The following THADA variants were observed in gnomAD, a reference collection of about 807,000 sequenced individuals.
THADA encodes tRNA (32-2'-O)-methyltransferase regulator THADA.
THADA carries 213 observed loss-of-function variants against 219.8 expected under a neutral mutation model. That is an observed-to-expected ratio of 0.97 (90% CI 0.87 to 1.09). THADA has a LOEUF of 1.09. Ranked by LOEUF, THADA falls within the 50% of genes least tolerant of loss-of-function variation. The probability of loss-of-function intolerance (pLI) is 0.00; values close to 1 mark genes in which losing one functional copy is unlikely to be tolerated. For synonymous variants in THADA, 1,018 were observed against 828.9 expected (o/e 1.23, Z -3.92); for missense variants, 2,956 against 2,311.3 (o/e 1.28, Z -5.72).
At chr2:43,542,505 G>A (rs902261260) in intron 20 of THADA, among the ~76,000 whole-genome samples, 1 of 152,172 alleles carries the variant, frequency 6.6e-6, no homozygotes, top group Non-Finnish European at 1.5e-5. Context: ...ACATCACTAA[G>A]AAATTGCTGC....
chr2:43,538,669 G>A (rs1272087793), intron 21 of THADA: 1 of 152,208 alleles, frequency 6.6e-6, no homozygotes, highest in Non-Finnish European at 1.5e-5. Flanking sequence ...GCAAGGAGAA[G>A]AACTGGGTTC....
At chr2:43,583,802 G>C (rs1461407307) in intron 7 of THADA, among the ~76,000 whole-genome samples, 1 of 152,078 alleles carries the variant, frequency 6.6e-6, no homozygotes, top group African/African-American at 2.4e-5. Flanking sequence ...CAGCACTTTG[G>C]GGGACTGGGG....
intron 36 of THADA, among the ~76,000 whole-genome samples, chr2:43,273,773 C>G (rs1672406377): frequency 6.6e-6 from 1 of 152,244 alleles, no homozygotes. Flanking sequence ...GTGACCCAGG[C>G]CTTTCTATCT....
At chr2:43,539,331 T>C (rs745626863) in intron 21 of THADA, among the ~76,000 whole-genome samples, 2 of 152,260 alleles carry the variant, frequency 1.3e-5, no homozygotes, top group Non-Finnish European at 2.9e-5. Context: ...TGTTCTTCTC[T>C]GTCATTTATA....
intron 29 of THADA, among the ~76,000 whole-genome samples, chr2:43,376,148 AGG>A (rs1671357888): frequency 1.3e-5 from 2 of 152,314 alleles, no homozygotes; most frequent in East Asian, 3.9e-4. Context: ...CTATTTTATT[AGG>A]TGTATATAAA....
At chr2:43,449,261 G>A (rs1681997630) in intron 26 of THADA, among the ~76,000 whole-genome samples, 1 of 151,918 alleles carries the variant, frequency 6.6e-6, no homozygotes, top group Non-Finnish European at 1.5e-5. Context: ...ATAAGACAAG[G>A]GAAATTATTG....
intron 16 of THADA, among the ~76,000 whole-genome samples, chr2:43,558,032 C>G (rs1407448737): frequency 6.6e-6 from 1 of 152,142 alleles, no homozygotes; most frequent in East Asian, 1.9e-4. Context: ...CATTTTTTAA[C>G]TGACAGTTAA....
rs746489844 is a variant in THADA, at chr2:43,541,155, T to C, written c.3264+4A>G. ...ATACATGGTGGAATAAACATGTGCCTTACCTGCTCCACCGTCAATAATCCA... is the reference window on the plus strand; with the variant it reads ...ATACATGGTGGAATAAACATGTGCCCTACCTGCTCCACCGTCAATAATCCA... On this transcript the variant is annotated splice_donor_region_variant and intron_variant, in intron 21 of 37. Transcript: ENST00000405975. 2 of 1,556,526 alleles carry C rather than the reference T, an allele frequency of 1.3e-6. No homozygotes were observed.
intron 29 of THADA, among the ~76,000 whole-genome samples, chr2:43,380,143 A>G (rs1208422837): frequency 6.6e-6 from 1 of 152,236 alleles, no homozygotes; most frequent in Non-Finnish European, 1.5e-5. Flanking sequence ...AGAACTTTAT[A>G]GTGCAAAGAC....
At chr2:43,415,264 G>A (rs757663482) in intron 28 of THADA, among the ~76,000 whole-genome samples, 2 of 152,154 alleles carry the variant, frequency 1.3e-5, no homozygotes, top group Non-Finnish European at 2.9e-5. Context: ...TAATGGAGGA[G>A]GCATCTGAGA....
chr2:43,375,917 G>C (rs548863633), intron 29 of THADA, among the ~76,000 whole-genome samples: 1 of 152,188 alleles, frequency 6.6e-6, no homozygotes, highest in Non-Finnish European at 1.5e-5. Flanking sequence ...TTTTGCAAGA[G>C]AATTTCGTGA....
chr2:43,536,211 C>T (rs1694582859), intron 21 of THADA, among the ~76,000 whole-genome samples: 1 of 152,256 alleles, frequency 6.6e-6, no homozygotes, highest in East Asian at 1.9e-4. Context: ...TTGGACAGTC[C>T]TTTACCCAAT....
At chr2:43,470,786 C>T (rs1054455437) in intron 26 of THADA, among the ~76,000 whole-genome samples, 2 of 152,124 alleles carry the variant, frequency 1.3e-5, no homozygotes, top group African/African-American at 4.8e-5. Flanking sequence ...TAGCCTAGAC[C>T]ACAGCATAAT....
chr2:43,542,601 G>C (rs1695470479), intron 20 of THADA, among the ~76,000 whole-genome samples: 1 of 152,184 alleles, frequency 6.6e-6, no homozygotes, highest in South Asian at 2.1e-4. Context: ...CTGGAAGCTT[G>C]ACACAACAAA....
chr2:43,261,216 CTTTTT>C (rs1181680289), intron 36 of THADA, among the ~76,000 whole-genome samples: 1 of 77,168 alleles, frequency 1.3e-5, no homozygotes, highest in Admixed American at 1.8e-4. Flanking sequence ...TTGTGCATTT[CTTTTT>C]TTTTTTTTTT....
chr2:43,263,924 C>T (rs1016670029), intron 36 of THADA, among the ~76,000 whole-genome samples: 2 of 152,120 alleles, frequency 1.3e-5, no homozygotes, highest in African/African-American at 2.4e-5. Flanking sequence ...CTAAGCCTTT[C>T]ATTATAAATA....
chr2:43,465,657 A>C (rs1684144706), intron 26 of THADA, among the ~76,000 whole-genome samples: 1 of 152,164 alleles, frequency 6.6e-6, no homozygotes, highest in Non-Finnish European at 1.5e-5. Context: ...ACCTCACTTA[A>C]ATACTGATGC....
chr2:43,496,050 T>C (rs1688239325), intron 25 of THADA, among the ~76,000 whole-genome samples: 1 of 152,188 alleles, frequency 6.6e-6, no homozygotes, highest in African/African-American at 2.4e-5. Context: ...CACTGCAAAA[T>C]ACTTACTCTC....
At chr2:43,333,951 T>C (rs976984552) in intron 30 of THADA, among the ~76,000 whole-genome samples, 2 of 152,198 alleles carry the variant, frequency 1.3e-5, no homozygotes, top group Non-Finnish European at 2.9e-5. Context: ...TGTAAGTCTC[T>C]TGTGTGAATA....
Sources: allele counts gnomAD v4.1 joint callset (sites outside exome capture counted in the v4.1 genomes callset), GRCh38; gene constraint gnomAD v4.1.1; transcripts MANE v1.5; gene names NCBI Gene and HGNC (gene_info 2026-07-23, HGNC 2026-07-21).